MARCHF1: variants seen among roughly 807,000 people sequenced by gnomAD.
MARCHF1 encodes membrane associated ring-CH-type finger 1.
MARCHF1 carries 40 observed loss-of-function variants against 54.2 expected under a neutral mutation model. The ratio of observed to expected loss-of-function variants is 0.74; its 90% CI spans 0.57 to 0.96. MARCHF1 has a LOEUF of 0.96. Among genes scored for constraint, MARCHF1 ranks in the 40% least tolerant of loss-of-function variants. The probability of loss-of-function intolerance (pLI) is 0.00; values close to 1 mark genes in which losing one functional copy is unlikely to be tolerated. For synonymous variants in MARCHF1, 236 were observed against 236.3 expected (o/e 1.00, Z 0.01); for missense variants, 586 against 656.5 (o/e 0.89, Z 1.17).
At chr4:164,008,225 A>C (rs1753338667) in intron 2 of MARCHF1, among the ~76,000 whole-genome samples, 1 of 152,180 alleles carries the variant, frequency 6.6e-6, no homozygotes, top group South Asian at 2.1e-4. Flanking sequence ...CTGTTTATAA[A>C]AAGAGGAGAA....
intron 1 of MARCHF1, among the ~76,000 whole-genome samples, chr4:164,224,363 C>T (rs1347975410): frequency 6.6e-6 from 1 of 151,884 alleles, no homozygotes; most frequent in Non-Finnish European, 1.5e-5. Flanking sequence ...TTGGACATCC[C>T]TGACATCAAA....
chr4:164,053,333 T>C (rs1218555182), intron 2 of MARCHF1, among the ~76,000 whole-genome samples: 1 of 152,214 alleles, frequency 6.6e-6, no homozygotes, highest in East Asian at 1.9e-4. Context: ...TGTTGTTTCA[T>C]ATGTGTCAAC....
intron 2 of MARCHF1, among the ~76,000 whole-genome samples, chr4:164,101,196 G>C (rs990080746): frequency 6.6e-6 from 1 of 152,196 alleles, no homozygotes; most frequent in African/African-American, 2.4e-5. Context: ...AGGGGCACCC[G>C]CCATTGCCCA....
chr4:164,372,092 A>C (rs1167044257), intron 1 of MARCHF1, among the ~76,000 whole-genome samples: 11 of 152,250 alleles, frequency 7.2e-5, no homozygotes, highest in Admixed American at 7.2e-4. Flanking sequence ...ATAAATTTAA[A>C]AAATGAAATT....
At chr4:164,333,567 A>C (rs1385935822) in intron 1 of MARCHF1, among the ~76,000 whole-genome samples, 2 of 152,208 alleles carry the variant, frequency 1.3e-5, no homozygotes, top group Non-Finnish European at 2.9e-5. Context: ...GAACTTAATC[A>C]ATGAAGGACA....
chr4:163,537,965 C>T (rs113854436), intron 9 of MARCHF1, among the ~76,000 whole-genome samples: 40 of 152,240 alleles, frequency 2.6e-4, no homozygotes, highest in African/African-American at 4.8e-4. Flanking sequence ...AATCAACATG[C>T]GAATAGGTTT....
At chr4:164,312,324 T>TC (rs1170527669) in intron 1 of MARCHF1, among the ~76,000 whole-genome samples, 29 of 139,862 alleles carry the variant, frequency 2.1e-4, no homozygotes, top group Middle Eastern at 3.5e-3. Flanking sequence ...TTTTTCTTTT[T>TC]TTTTTTTTTT....
At chr4:164,319,939 A>T (rs1191917807) in intron 1 of MARCHF1, among the ~76,000 whole-genome samples, 1 of 152,204 alleles carries the variant, frequency 6.6e-6, no homozygotes, top group Non-Finnish European at 1.5e-5. Context: ...CAAGCAGTTT[A>T]TGGTACATTT....
chr4:164,350,194 G>A (rs1181527668), intron 1 of MARCHF1, among the ~76,000 whole-genome samples: 1 of 152,180 alleles, frequency 6.6e-6, no homozygotes, highest in African/African-American at 2.4e-5. Context: ...GTATGTATAT[G>A]TATGTGTATG....
chr4:164,361,247 A>G (rs572625341), intron 1 of MARCHF1, among the ~76,000 whole-genome samples: 1 of 152,192 alleles, frequency 6.6e-6, no homozygotes, highest in Admixed American at 6.6e-5. Flanking sequence ...GCATTTAAAA[A>G]TGGACATTTC....
chr4:163,711,803 C>T (rs1233200750), intron 4 of MARCHF1, among the ~76,000 whole-genome samples: 1 of 152,188 alleles, frequency 6.6e-6, no homozygotes, highest in African/African-American at 2.4e-5. Context: ...ATATATTCTG[C>T]TCATACTCAT....
intron 8 of MARCHF1, among the ~76,000 whole-genome samples, chr4:163,575,144 T>C (rs1302107872): frequency 6.6e-6 from 1 of 152,004 alleles, no homozygotes; most frequent in Non-Finnish European, 1.5e-5. Context: ...CCATTAAGTA[T>C]GATGTTGACT....
chr4:164,255,486 G>A (rs4362777), intron 1 of MARCHF1, among the ~76,000 whole-genome samples: 17,617 of 150,470 alleles, frequency 0.12, 1,615 homozygotes, highest in African/African-American at 0.25. Context: ...ACAACGCCAC[G>A]CATGAAAATG....
intron 4 of MARCHF1, among the ~76,000 whole-genome samples, chr4:163,818,613 T>C (rs552422078): frequency 6.6e-6 from 1 of 152,234 alleles, no homozygotes; most frequent in African/African-American, 2.4e-5. Context: ...GCCTTTTATC[T>C]GTCCCTCATT....
chr4:163,529,212 C>T (rs112846342), intron 9 of MARCHF1, among the ~76,000 whole-genome samples, 166 bp from the exon 10 acceptor site: 7 of 151,906 alleles, frequency 4.6e-5, no homozygotes, highest in African/African-American at 1.2e-4. Flanking sequence ...CCCGAATTGG[C>T]GTAATTCCTT....
intron 1 of MARCHF1, among the ~76,000 whole-genome samples, chr4:164,243,691 G>C (rs1227594064): frequency 6.6e-6 from 1 of 152,206 alleles, no homozygotes; most frequent in African/African-American, 2.4e-5. Context: ...AGACCCATCA[G>C]TGTGCTGTAT....
intron 3 of MARCHF1, among the ~76,000 whole-genome samples, chr4:163,954,444 G>A (rs563723008): frequency 8.5e-5 from 13 of 152,140 alleles, no homozygotes; most frequent in Admixed American, 2.0e-4. Context: ...TTAGAGATGC[G>A]TAAAAACAAT....
chr4:163,932,109 T>C (rs1341806071), intron 3 of MARCHF1, among the ~76,000 whole-genome samples: 1 of 107,660 alleles, frequency 9.3e-6, no homozygotes, highest in Admixed American at 1.1e-4. Context: ...AAAAACCTTA[T>C]TGCTAAAAAG....
intron 5 of MARCHF1, among the ~76,000 whole-genome samples, chr4:163,655,678 CAGA>C (rs1228765413): frequency 1.3e-5 from 2 of 151,714 alleles, no homozygotes; most frequent in Admixed American, 6.6e-5. Context: ...TCAGCAAATG[CAGA>C]AGAACTGAAA....
Sources: gnomAD v4.1 joint callset for allele counts (sites outside exome capture counted in the v4.1 genomes callset) on GRCh38, gnomAD v4.1.1 for gene constraint, MANE v1.5 for transcripts, NCBI Gene and HGNC (gene_info 2026-07-23, HGNC 2026-07-21) for gene names.